The following SACS variants were observed in gnomAD, a reference collection of about 807,000 sequenced individuals.
SACS encodes the protein sacsin.
In SACS, 197 loss-of-function variants were observed where a neutral mutation model predicts 348.0. The ratio of observed to expected loss-of-function variants is 0.57; its 90% CI spans 0.50 to 0.64. SACS has a LOEUF of 0.64. Among genes scored for constraint, SACS ranks in the 30% least tolerant of loss-of-function variants. The pLI, the probability that SACS is intolerant of heterozygous loss-of-function variation, is 0.00. For synonymous variants in SACS, 1,985 were observed against 1,910.6 expected, an observed-to-expected ratio of 1.04 and a Z score of -1.02; for missense variants, 4,999 against 5,360.8, an observed-to-expected ratio of 0.93 and a Z score of 2.11.
Position 23,331,602 on chromosome 13 carries a change from C to T in SACS, c.12274G>A (p.Asp4092Asn), listed in dbSNP as rs1327221423. The change falls in exon 10 of 10, where the codon GAC becomes AAC. Residue 4092 changes from aspartate (D) to asparagine (N), a missense_variant. Asp to Asn is a conservative substitution (Grantham distance 23). Around this residue, in one of 6 missense-constraint regions of SACS, gnomAD observed 831 missense variants for 941.8 expected, o/e 0.88. Coordinates refer to ENST00000382292, the MANE Select transcript of SACS (RefSeq NM_014363.6). ...AACAGGAAATTAATGTCTTTACTGT[C>T]TGAATGTTGAATGTAGAGCAAGATG... ...AVILLYIQHS[D>N]SKDINFLLAL... 1 of 1,613,962 alleles carries T rather than the reference C, an allele frequency of 6.2e-7. No individual in the cohort carries two copies. The highest frequency in any genetic ancestry group is 8.5e-7 in the Non-Finnish European group (1 of 1,179,916).
chr13:23,375,566 C>G (rs938452204), intron 2 of SACS: 8 of 1,034,676 alleles, frequency 7.7e-6, no homozygotes, highest in Non-Finnish European at 9.3e-6. Context: ...ACTGCGCGCT[C>G]CCGGCCCACT....
intron 2 of SACS, among the ~76,000 whole-genome samples, chr13:23,379,501 C>T (rs1011879984): frequency 2.6e-5 from 4 of 152,170 alleles, no homozygotes; most frequent in Admixed American, 6.5e-5. Flanking sequence ...AAGGCCAGTG[C>T]TGGAAAATAC....
intron 6 of SACS, 139 bp downstream of exon 6, chr13:23,365,027 G>C (rs913028278): frequency 1.0e-5 from 6 of 599,118 alleles, no homozygotes; most frequent in Admixed American, 3.3e-5. Context: ...CAAAAGCAGA[G>C]AAAAACATCT....
intron 2 of SACS, among the ~76,000 whole-genome samples, chr13:23,402,456 C>T (rs58718507): frequency 0.013 from 1,966 of 152,282 alleles, 85 homozygotes; most frequent in East Asian, 0.092. Context: ...TTTACCTTTG[C>T]CTTCCCACCT....
intron 2 of SACS, among the ~76,000 whole-genome samples, chr13:23,377,411 C>A (rs943119388): frequency 6.6e-6 from 1 of 152,142 alleles, no homozygotes; most frequent in Non-Finnish European, 1.5e-5. Context: ...TTCCGTGGAG[C>A]CTGGTGGTTG....
chr13:23,353,690 G>T, intron 9 of SACS, 95 bp downstream of exon 9: 1 of 701,668 alleles, frequency 1.4e-6, no homozygotes, highest in Non-Finnish European at 2.5e-6. Context: ...ATAAGAAATT[G>T]TTGATTTATA....
chr13:23,363,331 G>A (rs1870858379), intron 6 of SACS, among the ~76,000 whole-genome samples: 1 of 151,536 alleles, frequency 6.6e-6, no homozygotes, highest in African/African-American at 2.4e-5. Flanking sequence ...AGGTTCAAGC[G>A]ATTCTCCTGC....
At position 23,330,064 on chromosome 13, in the gene SACS, G is replaced by C. The variant is rs1299591100; in HGVS notation, c.*72C>G. 2 of 1,357,064 alleles carry C rather than the reference G, an allele frequency of 1.5e-6. No homozygotes were observed. Among genetic ancestry groups the C allele is most frequent in the East Asian group, 4.7e-5 (2 of 42,130 alleles). The allele number at this position is 1,357,064 out of a possible 1,614,324, so 84.1% of individuals were successfully genotyped here. Reference sequence around the variant, plus strand: ...CAATTCCTAGCTAATTGGCAATGAAGCTTAATGAAGTACAGCAATTTATTC... The same window carrying C: ...CAATTCCTAGCTAATTGGCAATGAACCTTAATGAAGTACAGCAATTTATTC... On this transcript the variant is annotated 3_prime_UTR_variant, in exon 10 of 10. Coordinates refer to ENST00000382292, the MANE Select transcript of SACS (RefSeq NM_014363.6).
intron 2 of SACS, among the ~76,000 whole-genome samples, chr13:23,399,504 C>A (rs1297951031): frequency 1.3e-5 from 2 of 152,116 alleles, no homozygotes; most frequent in African/African-American, 4.8e-5. Context: ...TAATGGACAG[C>A]CTCTCCCTTC....
In SACS at chr13:23,353,807, T is replaced by G. The variant is rs1471003728; in HGVS notation, c.2163A>C (p.Leu721Phe). 3 of 1,605,746 alleles carry G rather than the reference T, an allele frequency of 1.9e-6. No homozygotes were observed. Among genetic ancestry groups the G allele is most frequent in the Admixed American group, 3.3e-5 (2 of 59,980 alleles). Residue 721 changes from leucine to phenylalanine, a missense_variant, in exon 9 of 10, where the codon TTA becomes TTC. Coordinates refer to ENST00000382292, the MANE Select transcript of SACS (RefSeq NM_014363.6). ...DNLKPHLVAA[L>F]KEAAQTRGRP... ...TACCTCGGGTTTGGGCAGCTTCCTT[T>G]AAAGCAGCCACAAGGTGAGGTTTCA...
At chr13:23,349,885 C>T (rs540658119) in intron 9 of SACS, among the ~76,000 whole-genome samples, 149 of 152,198 alleles carry the variant, frequency 9.8e-4, no homozygotes, top group Non-Finnish European at 1.8e-3. Flanking sequence ...ATCTCTGCTA[C>T]ACTACCTCTC....
Position 23,381,000 on chromosome 13 carries a change from C to T in SACS, c.21-5731G>A, listed in dbSNP as rs1049526858. Among the ~76,000 whole-genome samples, 43 of 152,144 alleles carry T rather than the reference C, an allele frequency of 2.8e-4. 1 individual carries two copies. The highest frequency in any genetic ancestry group is 9.9e-4 in the African/African-American group (41 of 41,424). ...TTTATCACCAAATAGGTGTAGAACC[C>T]GTCACATCCACACTAGTACAGTCAA... On this transcript the variant is annotated intron_variant, in intron 2 of 9. Coordinates refer to ENST00000382292, the MANE Select transcript of SACS (RefSeq NM_014363.6).
intron 2 of SACS, among the ~76,000 whole-genome samples, chr13:23,392,238 G>A (rs1313775889): frequency 1.3e-5 from 2 of 152,188 alleles, no homozygotes; most frequent in Non-Finnish European, 2.9e-5. Context: ...CCTATGTAAT[G>A]GCCAAAGACA....
At chr13:23,374,975 A>G (rs890826949) in intron 3 of SACS, 144 bp downstream of exon 3, 18 of 764,558 alleles carry the variant, frequency 2.4e-5, no homozygotes, top group Non-Finnish European at 3.3e-5. Context: ...ATGAAAAGCC[A>G]CAACTCAGGA....
chr13:23,429,332 C>A (rs571410890), intron 1 of SACS, among the ~76,000 whole-genome samples: 1 of 117,776 alleles, frequency 8.5e-6, no homozygotes, highest in Non-Finnish European at 1.7e-5. Context: ...GTGATTCAGT[C>A]GTTGAGGTAG....
Position 23,329,713 on chromosome 13 carries a change from CAA to C in SACS, c.*421_*422del, listed in dbSNP as rs1217279076. 4 of 509,818 alleles carry C rather than the reference CAA, an allele frequency of 7.8e-6. No homozygotes were observed. Among genetic ancestry groups the C allele is most frequent in the Non-Finnish European group, 1.4e-5 (4 of 292,836 alleles). 31.6% of individuals were successfully genotyped at this position (509,818 alleles called of 1,614,324 possible). A position where few individuals can be genotyped will look rare whatever the true frequency, so the allele number is the denominator to read the frequency against. ...ATCCACTTAAAAAAATGACAGACTA[CAA>C]AGACTTAATTCCCCTTATGTTTAAA... On this transcript the variant is annotated 3_prime_UTR_variant, in exon 10 of 10. Transcript: ENST00000382292.
rs924612627 is a variant in SACS, at chr13:23,366,329, G to A, written c.346-1052C>T. Reference sequence around the variant, plus strand: ...CTCAGTTCACCCAGTGCATCCCAAAGGGCTGGAGTGTGGTACCCACCAGCT... The same window carrying A: ...CTCAGTTCACCCAGTGCATCCCAAAAGGCTGGAGTGTGGTACCCACCAGCT... On this transcript the variant is annotated intron_variant, in intron 5 of 9. Coordinates refer to ENST00000382292, the MANE Select transcript of SACS (RefSeq NM_014363.6). Among the ~76,000 whole-genome samples, 3 of 152,180 alleles carry A rather than the reference G, an allele frequency of 2.0e-5. No individual in the cohort carries two copies. The South Asian group carries it at 6.2e-4, about 31-fold the overall frequency.
chr13:23,375,862 G>A (rs1307922304), intron 2 of SACS, among the ~76,000 whole-genome samples: 3 of 152,184 alleles, frequency 2.0e-5, no homozygotes, highest in South Asian at 2.1e-4. Flanking sequence ...GGACAGGTGC[G>A]TTGTCCCTTT....
intron 6 of SACS, among the ~76,000 whole-genome samples, chr13:23,358,922 A>C (rs775947294): frequency 5.3e-5 from 8 of 152,184 alleles, no homozygotes; most frequent in Non-Finnish European, 1.2e-4. Context: ...TTGTAATCCC[A>C]GCATCCTAAC....
Sources: allele counts gnomAD v4.1 joint callset (sites outside exome capture counted in the v4.1 genomes callset), GRCh38; gene constraint gnomAD v4.1.1; regional missense constraint gnomAD v4.1.1; transcripts MANE v1.5; gene names NCBI Gene and HGNC (gene_info 2026-07-23, HGNC 2026-07-21).